Variants in CFB observed in about 807,000 individuals in gnomAD.
The protein encoded by CFB is B-factor, properdin.
In CFB, 59 loss-of-function variants were observed where a neutral mutation model predicts 97.2. That is an observed-to-expected ratio of 0.61 (90% CI 0.49 to 0.75). CFB has a LOEUF of 0.75. CFB is among the 30% of genes least tolerant of loss of function. CFB has a pLI of 0.00. For missense variants in CFB, 771 were observed against 959.8 expected (o/e 0.80, Z 2.60); for synonymous variants, 316 against 351.7 (o/e 0.90, Z 1.14).
rs761630499 is a variant in CFB, at chr6:31,948,367, C to T, written c.898-7C>T. ...ATGCCATGGCGCCTTGTTCTCCTCA[C>T]CCACAGGTGGCAAGTTATGGTGTGA... On this transcript the variant is annotated splice_polypyrimidine_tract_variant and splice_region_variant and intron_variant, in intron 6 of 17. Coordinates refer to ENST00000425368, the MANE Select transcript of CFB (RefSeq NM_001710.6). 4.3e-6 allele frequency: 7 copies of T among 1,614,224 alleles called. No homozygotes were observed. The highest frequency in any genetic ancestry group is 1.3e-5 in the African/African-American group (1 of 75,058).
Position 31,951,551 on chromosome 6 carries a change from G to C in CFB, c.2090-4G>C, listed in dbSNP as rs370470408. Reference sequence around the variant, plus strand: ...TTTCTCTACAGCTTCTCCTCTCCTTGCAGGTGATTCTGGCGGCCCCTTGAT... The same window carrying C: ...TTTCTCTACAGCTTCTCCTCTCCTTCCAGGTGATTCTGGCGGCCCCTTGAT... On this transcript the variant is annotated splice_region_variant and splice_polypyrimidine_tract_variant and intron_variant, in intron 16 of 17. Coordinates refer to ENST00000425368, the MANE Select transcript of CFB (RefSeq NM_001710.6). The surrounding 1 kb of genome is among the most constrained non-coding windows in gnomAD (Gnocchi z 4.3). 7.4e-6 allele frequency: 12 copies of C among 1,614,042 alleles called. No individual in the cohort carries two copies. The highest frequency in any genetic ancestry group is 1.3e-5 in the African/African-American group (1 of 74,908).
chr6:31,949,982 C>T, intron 10 of CFB, 68 bp from the exon 11 acceptor site: 3 of 1,495,604 alleles, frequency 2.0e-6, no homozygotes, highest in Non-Finnish European at 2.8e-6. Flanking sequence ...TAGACTCCTA[C>T]CCAAAAGGCT....
In CFB at chr6:31,951,765, G is replaced by T; in HGVS notation, c.2140-110G>T. 6.3e-7 allele frequency: 1 copy of T among 1,586,128 alleles called. No individual in the cohort carries two copies. The highest frequency in any genetic ancestry group is 1.1e-5 in the South Asian group (1 of 90,478). ...CGTGTGTCAAGAACGAGGCTGAGCT[G>T]GGTCCCTAGTCTGATTCCTTTAGGT... On this transcript the variant is annotated intron_variant, in intron 17 of 17. Coordinates refer to ENST00000425368, the MANE Select transcript of CFB (RefSeq NM_001710.6). The surrounding 1 kb of genome is among the most constrained non-coding windows in gnomAD (Gnocchi z 4.3).
At position 31,948,876 on chromosome 6, in the gene CFB, A is replaced by T. The variant is rs1771590615; in HGVS notation, c.1083A>T (p.Ala361=). 2 of 1,612,990 alleles carry T rather than the reference A, an allele frequency of 1.2e-6. No individual in the cohort carries two copies. The highest frequency in any genetic ancestry group is 2.7e-5 in the African/African-American group (2 of 75,010). Residue 361 remains alanine (A), a synonymous_variant, in exon 8 of 18, where the codon GCA becomes GCT. Coordinates refer to ENST00000425368, the MANE Select transcript of CFB (RefSeq NM_001710.6). ...CTAACACCAAGAAGGCCCTCCAGGC[A>T]GTGTACAGCATGATGAGCTGGCCAG... The part of the protein sequence containing the change: ...SGTNTKKALQ[A]VYSMMSWPDD...
chr6:31,948,704 A>G, intron 7 of CFB, 126 bp from the exon 8 acceptor site: 1 of 1,547,264 alleles, frequency 6.5e-7, no homozygotes, highest in Non-Finnish European at 8.9e-7. Context: ...GGTCAAAGGG[A>G]AGTCCGTGTA....
In CFB at chr6:31,951,373, C is replaced by T; in HGVS notation, c.1989C>T (p.Ala663=). 6.2e-7 allele frequency: 1 copy of T among 1,614,116 alleles called. No individual in the cohort carries two copies. The highest frequency in any genetic ancestry group is 1.3e-5 in the African/African-American group (1 of 74,998). The change falls in exon 16 of 18, where the codon GCC becomes GCT. Residue 663 remains alanine (A), a synonymous_variant. Transcript: ENST00000425368. This position sits in a 1 kb window ranked among gnomAD's most constrained non-coding sequence, Gnocchi z 4.3. ...GCTGTGAGAGAGATGCTCAATATGC[C>T]CCAGGCTATGACAAAGTCAAGGACA... ...KGSCERDAQY[A]PGYDKVKDIS...
At position 31,947,823 on chromosome 6, in the gene CFB, C is replaced by T. The variant is rs746619139; in HGVS notation, c.740C>T (p.Ala247Val). ...SLTETIEGVD[A>V]EDGHGPGEQQ... is the part of the protein sequence containing the mutation. ...ACAGAGACCATAGAAGGAGTCGATG[C>T]TGAGGATGGGCACGGCCCAGGTTTG... Residue 247 changes from alanine to valine, a missense_variant, in exon 5 of 18, where the codon GCT becomes GTT. Physicochemically the swap from Ala to Val is moderately conservative, Grantham distance 64 (BLOSUM62 0). Transcript: ENST00000425368. This position sits in a 1 kb window ranked among gnomAD's most constrained non-coding sequence, Gnocchi z 5.3. 1 of 1,613,846 alleles carries T rather than the reference C, an allele frequency of 6.2e-7. No individual in the cohort carries two copies. Among genetic ancestry groups the T allele is most frequent in the Admixed American group, 1.7e-5 (1 of 60,022 alleles).
intron 8 of CFB, 79 bp from the exon 9 acceptor site, chr6:31,949,164 C>T: frequency 6.7e-7 from 1 of 1,500,420 alleles, no homozygotes; most frequent in Non-Finnish European, 9.2e-7. Flanking sequence ...TCAACTTGCT[C>T]ACCCTGCCAT....
intron 12 of CFB, 91 bp from the exon 13 acceptor site, chr6:31,950,528 A>G: frequency 6.3e-7 from 1 of 1,580,190 alleles, no homozygotes; most frequent in Non-Finnish European, 8.7e-7. Context: ...CAGACCAGTC[A>G]GGGATGGGGG....
At position 31,946,991 on chromosome 6, in the gene CFB, TC is replaced by T. The variant is rs1481220203; in HGVS notation, c.299-10del. ...TTTCCCTCTTGATGACTTCTACTTGTCCCCCCTTCTCAAAGCAATCCACTGT... is the reference window on the plus strand; with the variant it reads ...TTTCCCTCTTGATGACTTCTACTTGTCCCCCTTCTCAAAGCAATCCACTGT... On this transcript the variant is annotated splice_polypyrimidine_tract_variant and intron_variant, in intron 2 of 17. Coordinates refer to ENST00000425368, the MANE Select transcript of CFB (RefSeq NM_001710.6). The surrounding 1 kb of genome is among the most constrained non-coding windows in gnomAD (Gnocchi z 6.4). 1 of 1,612,410 alleles carries T rather than the reference TC, an allele frequency of 6.2e-7. No homozygotes were observed. Among genetic ancestry groups the T allele is most frequent in the Non-Finnish European group, 8.5e-7 (1 of 1,179,844 alleles).
chr6:31,950,653 C>T lies in CFB; in HGVS notation c.1659C>T (p.Val553=), dbSNP rs760291598. Residue 553 remains valine, a synonymous_variant, in exon 13 of 18, where the codon GTC becomes GTT. Transcript: ENST00000425368. The part of the protein sequence containing the change: ...GEKRDLEIEV[V]LFHPNYNING... ...AGCGGGACCTGGAGATAGAAGTAGT[C>T]CTATTTCACCCCAACTACAACATTA... The T allele has an allele frequency of 6.2e-7, 1 of 1,613,028 alleles. No homozygotes were observed. Among genetic ancestry groups the T allele is most frequent in the Admixed American group, 1.7e-5 (1 of 60,016 alleles).
rs756325732 is a variant in CFB, at chr6:31,950,890, G to A, written c.1801G>A (p.Glu601Lys). The A allele has an allele frequency of 1.2e-5, 20 of 1,612,872 alleles. No homozygotes were observed. Among genetic ancestry groups the A allele is most frequent in the Non-Finnish European group, 1.7e-5 (20 of 1,180,028 alleles). Reference protein sequence around the residue: ...TIRPICLPCTEGTTRALRLPP... With the variant: ...TIRPICLPCTKGTTRALRLPP... ...TAGGCCCATTTGTCTCCCCTGCACC[G>A]AGGGAACAACTCGAGCTTTGAGGCT... is the stretch of plus-strand genomic sequence containing the variant. Residue 601 changes from glutamate (E) to lysine (K), a missense_variant, in exon 14 of 18, where the codon GAG becomes AAG. By Grantham distance (56) the Glu-to-Lys change is moderately conservative. Coordinates refer to ENST00000425368, the MANE Select transcript of CFB (RefSeq NM_001710.6).
At position 31,950,818 on chromosome 6, in the gene CFB, G is replaced by A. The variant is rs373903391; in HGVS notation, c.1778+46G>A. ...GAGGAAAGGCTGGGAAAGGCTGGAG[G>A]ACTGGGGTGAGGAGCAGGCCTGGTT... On this transcript the variant is annotated intron_variant, in intron 13 of 17. Coordinates refer to ENST00000425368, the MANE Select transcript of CFB (RefSeq NM_001710.6). 2.5e-5 allele frequency: 40 copies of A among 1,613,082 alleles called. No individual in the cohort carries two copies. The African/African-American group carries it at 4.7e-4, about 19-fold the overall frequency.
In CFB at chr6:31,951,964, C is replaced by T; in HGVS notation, c.2229C>T (p.Ile743=). The part of the protein sequence containing the change: ...QVPAHARDFH[I]NLFQVLPWLK... Reference sequence around the variant, plus strand: ...CTGCTCACGCCCGAGACTTTCACATCAACCTCTTTCAAGTGCTGCCCTGGC... The same window carrying T: ...CTGCTCACGCCCGAGACTTTCACATTAACCTCTTTCAAGTGCTGCCCTGGC... The change falls in exon 18 of 18, where the codon ATC becomes ATT. Residue 743 remains isoleucine (I), a synonymous_variant. Coordinates refer to ENST00000425368, the MANE Select transcript of CFB (RefSeq NM_001710.6). This position sits in a 1 kb window ranked among gnomAD's most constrained non-coding sequence, Gnocchi z 4.3. 2 of 1,613,090 alleles carry T rather than the reference C, an allele frequency of 1.2e-6. No individual in the cohort carries two copies. The highest frequency in any genetic ancestry group is 1.7e-6 in the Non-Finnish European group (2 of 1,180,040).
chr6:31,950,607 C>G lies in CFB; in HGVS notation c.1625-12C>G. ...TGCCCACAAAGAGGTGGTACCTACTCTCCTACTTCAGGAGGGGAGAAGCGG... is the reference window on the plus strand; with the variant it reads ...TGCCCACAAAGAGGTGGTACCTACTGTCCTACTTCAGGAGGGGAGAAGCGG... On this transcript the variant is annotated splice_polypyrimidine_tract_variant and intron_variant, in intron 12 of 17. Coordinates refer to ENST00000425368, the MANE Select transcript of CFB (RefSeq NM_001710.6). 1 of 1,612,946 alleles carries G rather than the reference C, an allele frequency of 6.2e-7. No individual in the cohort carries two copies. The highest frequency in any genetic ancestry group is 8.5e-7 in the Non-Finnish European group (1 of 1,179,998).
chr6:31,949,427 T>C lies in CFB; in HGVS notation c.1278T>C (p.Tyr426=), dbSNP rs539673510. Residue 426 remains tyrosine, a synonymous_variant, in exon 10 of 18, where the codon TAT becomes TAC. Coordinates refer to ENST00000425368, the MANE Select transcript of CFB (RefSeq NM_001710.6). ...KNPREDYLDV[Y]VFGVGPLVNQ... ...TTCCTTTTTATCCCTCAGATGTCTA[T>C]GTGTTTGGGGTCGGGCCTTTGGTGA... 3.1e-6 allele frequency: 5 copies of C among 1,614,228 alleles called. No homozygotes were observed. Among genetic ancestry groups the C allele is most frequent in the East Asian group, 4.5e-5 (2 of 44,886 alleles).
chr6:31,950,303 C>G lies in CFB; in HGVS notation c.1524C>G (p.His508Gln), dbSNP rs138207668. 5 of 1,612,878 alleles carry G rather than the reference C, an allele frequency of 3.1e-6. No homozygotes were observed. Among genetic ancestry groups the G allele is most frequent in the Non-Finnish European group, 4.2e-6 (5 of 1,180,004 alleles). ...GTCCCCAGCGCCCTTCAAAGGGACACGAGAGCTGTATGGGGGCTGTGGTGT... is the reference window on the plus strand; with the variant it reads ...GTCCCCAGCGCCCTTCAAAGGGACAGGAGAGCTGTATGGGGGCTGTGGTGT... ...KISVIRPSKGHESCMGAVVSE... is the reference protein window; with the variant it reads ...KISVIRPSKGQESCMGAVVSE... Residue 508 changes from histidine (H) to glutamine (Q), a missense_variant, in exon 12 of 18, where the codon CAC (histidine) becomes CAG (glutamine). His to Gln is a conservative substitution (Grantham distance 24). Coordinates refer to ENST00000425368, the MANE Select transcript of CFB (RefSeq NM_001710.6).
Position 31,951,406 on chromosome 6 carries a change from G to A in CFB, c.2022G>A (p.Glu674=), listed in dbSNP as rs1425524504. The A allele has an allele frequency of 1.2e-6, 2 of 1,614,190 alleles. No homozygotes were observed. Residue 674 remains glutamate (E), a synonymous_variant, in exon 16 of 18, where the codon GAG becomes GAA. Coordinates refer to ENST00000425368, the MANE Select transcript of CFB (RefSeq NM_001710.6). This position sits in a 1 kb window ranked among gnomAD's most constrained non-coding sequence, Gnocchi z 4.3. Reference sequence around the variant, plus strand: ...ATGACAAAGTCAAGGACATCTCAGAGGTGGTCACCCCTCGGTTCCTTTGTA... The same window carrying A: ...ATGACAAAGTCAAGGACATCTCAGAAGTGGTCACCCCTCGGTTCCTTTGTA... The part of the protein sequence containing the change: ...PGYDKVKDIS[E]VVTPRFLCTG...
intron 13 of CFB, 27 bp from the exon 14 acceptor site, chr6:31,950,841 G>C (rs1771718137): frequency 6.2e-7 from 1 of 1,612,922 alleles, no homozygotes; most frequent in Non-Finnish European, 8.5e-7. Context: ...AGCAGGCCTG[G>C]TTTGCTGTTC....
Sources: gnomAD v4.1 joint callset for allele counts on GRCh38, gnomAD v4.1.1 for gene constraint, Gnocchi (gnomAD v3.1) non-coding constraint, MANE v1.5 for transcripts, NCBI Gene and HGNC (gene_info 2026-07-23, HGNC 2026-07-21) for gene names.